Variants in CHFR observed in about 807,000 individuals in gnomAD.
CHFR encodes the protein checkpoint with forkhead and ring finger domains, also known as E3 ubiquitin-protein ligase CHFR.
In CHFR, 57 loss-of-function variants were observed where a neutral mutation model predicts 87.6. The ratio of observed to expected loss-of-function variants is 0.65; its 90% CI spans 0.53 to 0.81. The LOEUF is 0.81. Ranked by LOEUF, CHFR falls within the 30% of genes least tolerant of loss-of-function variation. The pLI is 0.00. For missense variants in CHFR, 797 were observed against 865.8 expected (o/e 0.92, Z 1.00); for synonymous variants, 381 against 359.2 (o/e 1.06, Z -0.69).
intron 9 of CHFR, chr12:132,856,839 G>T (rs1393841078): frequency 2.5e-5 from 17 of 688,644 alleles, no homozygotes; most frequent in African/African-American, 2.3e-4. Context: ...GCTGGTGGAG[G>T]GACCGCCCTC....
intron 10 of CHFR, among the ~76,000 whole-genome samples, 199 bp downstream of exon 10, chr12:132,856,269 A>G (rs1306364785): frequency 6.6e-6 from 1 of 152,196 alleles, no homozygotes. Flanking sequence ...GTGTTCACCC[A>G]GTCCCTGCCA....
At chr12:132,878,679 C>T (rs1253095260) in intron 2 of CHFR, among the ~76,000 whole-genome samples, 2 of 150,828 alleles carry the variant, frequency 1.3e-5, no homozygotes, top group Admixed American at 6.6e-5. Context: ...ATTAGCCGGG[C>T]GTGGTGGCGG....
intron 6 of CHFR, chr12:132,862,514 G>C (rs912989747): frequency 2.7e-5 from 11 of 404,762 alleles, no homozygotes; most frequent in Non-Finnish European, 4.4e-5. Context: ...TGAGGTGAGT[G>C]GATCACTTGA....
In CHFR at chr12:132,857,396, C is replaced by T. The variant is rs1291493556; in HGVS notation, c.1066+9G>A. ...GTGCCCGGGTGCTGGTGTGGATGCCCTCACTTGCCTGGATGCTGGATGAGG... is the reference window on the plus strand; with the variant it reads ...GTGCCCGGGTGCTGGTGTGGATGCCTTCACTTGCCTGGATGCTGGATGAGG... On this transcript the variant is annotated intron_variant, in intron 9 of 17. Transcript: ENST00000450056. 1.2e-6 allele frequency: 2 copies of T among 1,613,602 alleles called. No homozygotes were observed. The highest frequency in any genetic ancestry group is 1.7e-5 in the Admixed American group (1 of 59,994).
chr12:132,838,102 CCCTTGCTGGCGGA>C lies in CHFR; in HGVS notation c.*3439_*3451del, dbSNP rs1950661850. 2.0e-5 allele frequency: 3 copies of C among 152,432 alleles called. No individual in the cohort carries two copies. Among genetic ancestry groups the C allele is most frequent in the Non-Finnish European group, 2.9e-5 (2 of 68,250 alleles). The allele number at this position is 152,432 out of a possible 1,614,324, so 9.4% of individuals were successfully genotyped here. A position where few individuals can be genotyped will look rare whatever the true frequency, so the allele number is the denominator to read the frequency against. ...AAGCTGGGGGGCTGTCACCAGGAAA[CCCTTGCTGGCGGA>C]AGCCCCTTCCAAACTCAGCTGCCTC... On this transcript the variant is annotated 3_prime_UTR_variant, in exon 18 of 18. Coordinates refer to ENST00000450056, the MANE Select transcript of CHFR (RefSeq NM_001161346.2).
intron 2 of CHFR, among the ~76,000 whole-genome samples, chr12:132,880,546 T>C (rs1165924221): frequency 6.6e-6 from 1 of 151,634 alleles, no homozygotes. Flanking sequence ...TAGTCCCAGC[T>C]ACTCAGGAGG....
chr12:132,887,440 C>T lies in CHFR; in HGVS notation c.-12-100G>A, dbSNP rs1241604721. 3 of 926,138 alleles carry T rather than the reference C, an allele frequency of 3.2e-6. No individual in the cohort carries two copies. In the African/African-American group the frequency reaches 5.4e-5, roughly 17 times the overall value. 57.4% of individuals were successfully genotyped at this position (926,138 alleles called of 1,614,324 possible). A position where few individuals can be genotyped will look rare whatever the true frequency, so the allele number is the denominator to read the frequency against. On this transcript the variant is annotated intron_variant, in intron 1 of 17. Coordinates refer to ENST00000450056, the MANE Select transcript of CHFR (RefSeq NM_001161346.2). ...GGGCCCCGGCCCGGCCGCCCGCGCCCACGCAGCCCCGCAGCCCGGCCTGGA... is the reference window on the plus strand; with the variant it reads ...GGGCCCCGGCCCGGCCGCCCGCGCCTACGCAGCCCCGCAGCCCGGCCTGGA...
chr12:132,848,993 C>T, intron 12 of CHFR: 1 of 425,488 alleles, frequency 2.4e-6, no homozygotes, highest in Non-Finnish European at 4.3e-6. Flanking sequence ...GTGGCCCAGG[C>T]TGGAGTACAG....
At chr12:132,854,484 G>A (rs546197054) in intron 10 of CHFR, 1 of 152,304 alleles carries the variant, frequency 6.6e-6, no homozygotes, top group Admixed American at 6.5e-5. Context: ...CAAACGCTGG[G>A]GACATTACCG....
intron 14 of CHFR, chr12:132,847,370 A>T: frequency 8.3e-7 from 1 of 1,204,828 alleles, no homozygotes; most frequent in Non-Finnish European, 1.0e-6. Context: ...GTCTCTCAAA[A>T]GTTCTGCCAA....
At chr12:132,856,735 G>C (rs138326778) in intron 9 of CHFR, 105 bp from the exon 10 acceptor site, 44 of 1,316,356 alleles carry the variant, frequency 3.3e-5, no homozygotes, top group Non-Finnish European at 4.6e-5. Context: ...GGAAGGAGGG[G>C]TCTGGGCGGA....
intron 14 of CHFR, 27 bp downstream of exon 14, chr12:132,848,058 G>A: frequency 6.2e-7 from 1 of 1,613,680 alleles, no homozygotes; most frequent in East Asian, 2.2e-5. Context: ...GTGGCTCCCG[G>A]CTCCCCAGCC....
intron 8 of CHFR, among the ~76,000 whole-genome samples, chr12:132,858,396 C>A (rs1404370688): frequency 1.3e-5 from 2 of 151,014 alleles, no homozygotes; most frequent in African/African-American, 4.9e-5. Context: ...CCACCCCGGG[C>A]TACATGGCGA....
intron 16 of CHFR, 39 bp downstream of exon 16, chr12:132,843,988 G>T: frequency 1.5e-6 from 2 of 1,351,004 alleles, no homozygotes; most frequent in South Asian, 1.2e-5. Context: ...AGCCAACCCA[G>T]ACAGAACTAG....
At chr12:132,866,628 CGTAACACCAAATGTTACAACACACCGG>C (rs1951348928) in intron 6 of CHFR, 1 of 140,722 alleles carries the variant, frequency 7.1e-6, no homozygotes, top group Admixed American at 7.0e-5. Context: ...CAACACACCG[CGTAACACCAAATGTTACAACACACCGG>C]AATGTTACAA....
At position 132,834,547 on chromosome 12, in the gene CHFR, G is replaced by A. The variant is rs1950633512; in HGVS notation, c.*7007C>T. 1 of 152,166 alleles carries A rather than the reference G, an allele frequency of 6.6e-6. No individual in the cohort carries two copies. The highest frequency in any genetic ancestry group is 1.5e-5 in the Non-Finnish European group (1 of 68,062). 9.4% of individuals were successfully genotyped at this position (152,166 alleles called of 1,614,324 possible). On this transcript the variant is annotated 3_prime_UTR_variant, in exon 18 of 18. Transcript: ENST00000450056. Reference sequence around the variant, plus strand: ...AAGTCCAAAATGAAGGGGCAGGCAGGGCTGGTTCCTTCTGGTGGCCCTGCA... The same window carrying A: ...AAGTCCAAAATGAAGGGGCAGGCAGAGCTGGTTCCTTCTGGTGGCCCTGCA...
chr12:132,853,659 G>C (rs949244374), intron 10 of CHFR, 86 bp from the exon 11 acceptor site: 1 of 1,413,374 alleles, frequency 7.1e-7, no homozygotes, highest in African/African-American at 1.5e-5. Context: ...AGCCATCACA[G>C]CTCAGCTCCA....
At chr12:132,870,128 A>G (rs1259712805) in intron 5 of CHFR, among the ~76,000 whole-genome samples, 1 of 151,744 alleles carries the variant, frequency 6.6e-6, no homozygotes, top group Non-Finnish European at 1.5e-5. Context: ...TGAGGCGGGT[A>G]GATCACGAGG....
intron 3 of CHFR, among the ~76,000 whole-genome samples, chr12:132,874,292 G>A (rs563758543): frequency 2.0e-4 from 31 of 152,374 alleles, no homozygotes; most frequent in Admixed American, 3.9e-4. Flanking sequence ...TGAAGCAGGC[G>A]GGACGGCCCA....
Sources: gnomAD v4.1 joint callset for allele counts (sites outside exome capture counted in the v4.1 genomes callset) on GRCh38, gnomAD v4.1.1 for gene constraint, MANE v1.5 for transcripts, NCBI Gene and HGNC (gene_info 2026-07-23, HGNC 2026-07-21) for gene names.